Variants in AGBL1 observed in about 807,000 individuals in gnomAD.
AGBL1 encodes AGBL carboxypeptidase 1, also known as cytosolic carboxypeptidase 4.
AGBL1 carries 130 observed loss-of-function variants against 118.9 expected under a neutral mutation model. The ratio of observed to expected loss-of-function variants is 1.09; its 90% confidence interval spans 0.95 to 1.26. The LOEUF is 1.26. Ranked by LOEUF, AGBL1 falls within the 50% of genes most tolerant of loss-of-function variation. AGBL1 has a pLI of 0.00. For synonymous variants in AGBL1, 555 were observed against 478.9 expected (o/e 1.16, Z -2.08); for missense variants, 1,584 against 1,298.1 (o/e 1.22, Z -3.38).
chr15:86,544,078 A>T (rs1596248726), intron 19 of AGBL1, among the ~76,000 whole-genome samples: 1 of 152,220 alleles, frequency 6.6e-6, no homozygotes, highest in Non-Finnish European at 1.5e-5. Context: ...TATTTAGACT[A>T]GGAGGAGAGA....
chr15:86,297,924 T>A (rs1188264396), intron 17 of AGBL1, among the ~76,000 whole-genome samples: 1 of 152,140 alleles, frequency 6.6e-6, no homozygotes, highest in Non-Finnish European at 1.5e-5. Flanking sequence ...CCTCTCTTCC[T>A]CATTCTGTCC....
At chr15:86,394,102 A>G (rs1238869771) in intron 17 of AGBL1, among the ~76,000 whole-genome samples, 1 of 152,162 alleles carries the variant, frequency 6.6e-6, no homozygotes, top group African/African-American at 2.4e-5. Flanking sequence ...AAGCCCAGAA[A>G]AAGTAAGACA....
chr15:87,004,885 G>A (rs973862978), intron 24 of AGBL1, among the ~76,000 whole-genome samples: 2 of 152,158 alleles, frequency 1.3e-5, no homozygotes, highest in African/African-American at 4.8e-5. Flanking sequence ...TAGGGCAGGA[G>A]TGTTGGTGAC....
chr15:86,571,957 T>G (rs1304806786), intron 21 of AGBL1, among the ~76,000 whole-genome samples: 1 of 152,194 alleles, frequency 6.6e-6, no homozygotes, highest in Non-Finnish European at 1.5e-5. Flanking sequence ...CAGCATCAGC[T>G]GTCCTCAGCA....
intron 22 of AGBL1, among the ~76,000 whole-genome samples, chr15:86,821,915 C>T (rs141449880): frequency 2.1e-4 from 32 of 152,258 alleles, no homozygotes; most frequent in African/African-American, 6.0e-4. Context: ...TAACCAATAT[C>T]GCATGGGCAC....
intron 22 of AGBL1, among the ~76,000 whole-genome samples, chr15:86,777,552 A>G (rs1346922064): frequency 2.0e-5 from 3 of 152,040 alleles, no homozygotes; most frequent in African/African-American, 4.8e-5. Flanking sequence ...ACCACATTCA[A>G]TTTGCAGATT....
chr15:86,845,061 T>A (rs2079300044), intron 22 of AGBL1, among the ~76,000 whole-genome samples: 1 of 152,148 alleles, frequency 6.6e-6, no homozygotes, highest in South Asian at 2.1e-4. Context: ...GCTTGCTGTC[T>A]TAATTACTGT....
At chr15:86,154,647 A>G (rs1276452736) in intron 4 of AGBL1, 86 bp downstream of exon 4, 1 of 1,457,654 alleles carries the variant, frequency 6.9e-7, no homozygotes, top group Non-Finnish European at 9.2e-7. Context: ...TGGTTGGAAG[A>G]AAAGCATGGG....
intron 21 of AGBL1, among the ~76,000 whole-genome samples, chr15:86,661,167 C>T (rs570009911): frequency 2.0e-5 from 3 of 152,208 alleles, no homozygotes; most frequent in East Asian, 3.9e-4. Flanking sequence ...CAAGGCAAAT[C>T]CTATTTTAGT....
chr15:86,277,370 A>G (rs568461230), intron 15 of AGBL1, among the ~76,000 whole-genome samples: 8 of 151,632 alleles, frequency 5.3e-5, no homozygotes, highest in Admixed American at 3.3e-4. Flanking sequence ...CAGATTTGAC[A>G]TAGTCAGAAC....
chr15:86,425,321 T>A lies in AGBL1; in HGVS notation c.2555+27775T>A, dbSNP rs188143861. 1.3e-4 allele frequency among the ~76,000 whole-genome samples: 19 copies of A among 150,200 alleles called. 1 individual carries two copies. The East Asian group carries it at 3.8e-3, about 30-fold the overall frequency. On this transcript the variant is annotated intron_variant, in intron 18 of 22. Coordinates refer to ENST00000614907, the MANE Select transcript of AGBL1 (RefSeq NM_001386094.1). ...ACCAAACACCACATGTTCTCACTCA[T>A]AAGTGGGAGTTGAGCCATGAAAACA...
rs868362985 is a variant in AGBL1 at position 86,579,224 on chromosome 15, G to T, written c.2994+24687G>T. The stretch of plus-strand genomic sequence containing the variant: ...GTTATTGCATTACGTTGCAAATTTT[G>T]TGTCTAAAAAGATCTTAGCAAAATG... On this transcript the variant is annotated intron_variant, in intron 21 of 22. Transcript: ENST00000614907. 7.9e-5 allele frequency among the ~76,000 whole-genome samples: 12 copies of T among 152,246 alleles called. 1 individual carries two copies. The Middle Eastern group carries it at 0.02, about 259-fold the overall frequency.
chr15:86,260,028 G>A (rs369341813), intron 9 of AGBL1, among the ~76,000 whole-genome samples: 21 of 152,338 alleles, frequency 1.4e-4, no homozygotes, highest in African/African-American at 4.8e-4. Context: ...AAATTGGTAA[G>A]AGCTTGAAAA....
chr15:86,516,240 C>G (rs1459643898), intron 18 of AGBL1, among the ~76,000 whole-genome samples: 1 of 152,162 alleles, frequency 6.6e-6, no homozygotes, highest in Non-Finnish European at 1.5e-5. Context: ...CACAAGGAAT[C>G]TCCTTGTTGG....
intron 21 of AGBL1, among the ~76,000 whole-genome samples, chr15:86,583,588 C>A (rs1050331580): frequency 1.3e-5 from 2 of 152,064 alleles, no homozygotes; most frequent in East Asian, 1.9e-4. Context: ...TGCTGATGGG[C>A]GCTTAAGTTG....
At chr15:86,493,225 A>C (rs1187929192) in intron 18 of AGBL1, among the ~76,000 whole-genome samples, 1 of 150,876 alleles carries the variant, frequency 6.6e-6, no homozygotes. Context: ...AAAAACACAT[A>C]CAAAAAAACA....
chr15:86,246,441 G>A (rs1423734807), intron 6 of AGBL1, among the ~76,000 whole-genome samples: 4 of 152,172 alleles, frequency 2.6e-5, no homozygotes, highest in Admixed American at 2.0e-4. Context: ...GGTTCATGGC[G>A]TTATCTGTCA....
chr15:86,752,179 T>A (rs2077864578), intron 22 of AGBL1, among the ~76,000 whole-genome samples: 1 of 152,104 alleles, frequency 6.6e-6, no homozygotes. Context: ...GATGCCAGGA[T>A]GGAGACCAAA....
intron 17 of AGBL1, among the ~76,000 whole-genome samples, chr15:86,356,648 CT>C (rs2080725735): frequency 6.6e-6 from 1 of 152,080 alleles, no homozygotes; most frequent in Admixed American, 6.5e-5. Context: ...TCTTTTTACC[CT>C]GAGAATTGTA....
Sources: gnomAD v4.1 joint callset for allele counts (sites outside exome capture counted in the v4.1 genomes callset) on GRCh38, gnomAD v4.1.1 for gene constraint, MANE v1.5 for transcripts, NCBI Gene and HGNC (gene_info 2026-07-23, HGNC 2026-07-21) for gene names.